Variants in C2orf92 observed in about 807,000 individuals in gnomAD.
C2orf92 encodes the protein uncharacterized protein C2orf92.
At chr2:97,672,436 C>A (rs1377434140) in intron 1 of C2orf92, 1 of 152,146 alleles carries the variant, frequency 6.6e-6, no homozygotes, top group Non-Finnish European at 1.5e-5. Context: ...GGAGGGGATG[C>A]ATGAGCAGAT....
Position 97,702,928 on chromosome 2 carries a change from C to A in C2orf92, c.*127C>A. On this transcript the variant is annotated 3_prime_UTR_variant, in exon 8 of 8. Coordinates refer to ENST00000627399, the MANE Select transcript of C2orf92 (RefSeq NM_001351368.2). Reference sequence around the variant, plus strand: ...GTATTCTACAAAAACGTCTGCTTCCCATCCCAATTTGAATGGACCAAGAAA... The same window carrying A: ...GTATTCTACAAAAACGTCTGCTTCCAATCCCAATTTGAATGGACCAAGAAA... 2.5e-6 allele frequency: 1 copy of A among 396,714 alleles called. No individual in the cohort carries two copies. The highest frequency in any genetic ancestry group is 1.4e-4 in the South Asian group (1 of 7,038). 24.6% of individuals were successfully genotyped at this position (396,714 alleles called of 1,614,324 possible). A position where few individuals can be genotyped will look rare whatever the true frequency, so the allele number is the denominator to read the frequency against.
upstream of C2orf92, chr2:97,668,043 C>T (rs980550703): frequency 2.0e-5 from 3 of 152,128 alleles, no homozygotes; most frequent in Admixed American, 2.0e-4. Context: ...TTGCAAAGGC[C>T]AGCAGCAGAA....
intron 1 of C2orf92, among the ~76,000 whole-genome samples, chr2:97,673,573 T>G (rs188402911): frequency 6.6e-6 from 1 of 152,256 alleles, no homozygotes; most frequent in East Asian, 1.9e-4. Context: ...TGTGGTCAAC[T>G]GAATCCAGAA....
chr2:97,694,606 A>G (rs1676249715), intron 5 of C2orf92: 4 of 151,942 alleles, frequency 2.6e-5, no homozygotes, highest in Admixed American at 2.6e-4. Context: ...CATTGTATGT[A>G]TCTACCATGT....
At chr2:97,696,561 C>T (rs1430919805) in intron 5 of C2orf92, among the ~76,000 whole-genome samples, 2 of 152,086 alleles carry the variant, frequency 1.3e-5, no homozygotes, top group Non-Finnish European at 2.9e-5. Flanking sequence ...CATGGTGAAA[C>T]CTCATCTCTA....
chr2:97,689,046 G>A (rs1676050728), intron 4 of C2orf92, 53 bp downstream of exon 4: 1 of 398,424 alleles, frequency 2.5e-6, no homozygotes, highest in Non-Finnish European at 4.4e-6. Context: ...AGGCCTATGT[G>A]TTGTCTTAAA....
chr2:97,676,355 AC>A (rs773414115), intron 3 of C2orf92, among the ~76,000 whole-genome samples: 1 of 140,212 alleles, frequency 7.1e-6, no homozygotes, highest in Non-Finnish European at 1.5e-5. Context: ...AATTGCTTGA[AC>A]CCGGGAGGCG....
intron 5 of C2orf92, chr2:97,697,155 T>G (rs940621020): frequency 6.6e-6 from 1 of 152,156 alleles, no homozygotes; most frequent in Admixed American, 6.5e-5. Flanking sequence ...GCTGCTCCTG[T>G]CATAGTTAGT....
chr2:97,686,930 A>C (rs1291084760), intron 3 of C2orf92, among the ~76,000 whole-genome samples: 1 of 152,076 alleles, frequency 6.6e-6, no homozygotes, highest in Non-Finnish European at 1.5e-5. Context: ...AGGTGGGAGG[A>C]TCATTTGAGC....
chr2:97,674,154 C>A (rs1025415270), intron 1 of C2orf92: 1 of 231,276 alleles, frequency 4.3e-6, no homozygotes, highest in Non-Finnish European at 8.3e-6. Context: ...GGGGGCCTCC[C>A]CAGTGCTTGT....
chr2:97,683,259 A>T (rs1049842498), intron 3 of C2orf92, among the ~76,000 whole-genome samples: 1 of 152,250 alleles, frequency 6.6e-6, no homozygotes. Flanking sequence ...ATTTACGATT[A>T]TATCAAAAAG....
intron 3 of C2orf92, among the ~76,000 whole-genome samples, chr2:97,683,493 T>C (rs1675851035): frequency 6.7e-6 from 1 of 150,278 alleles, no homozygotes. Flanking sequence ...TGAGCCCAGG[T>C]GTTTGAGATC....
At chr2:97,686,567 G>A (rs1452678606) in intron 3 of C2orf92, among the ~76,000 whole-genome samples, 1 of 152,120 alleles carries the variant, frequency 6.6e-6, no homozygotes, top group Non-Finnish European at 1.5e-5. Context: ...TTACATGCAT[G>A]AGCTACCATG....
chr2:97,675,660 G>A (rs750993065), intron 2 of C2orf92, 185 bp from the exon 3 acceptor site: 25 of 395,250 alleles, frequency 6.3e-5, no homozygotes, highest in Admixed American at 1.3e-4. Context: ...AGCCCCTGGT[G>A]TTGTGTTGGA....
intron 2 of C2orf92, among the ~76,000 whole-genome samples, chr2:97,675,326 A>G (rs1381408485): frequency 4.6e-5 from 7 of 152,234 alleles, no homozygotes; most frequent in Admixed American, 3.9e-4. Flanking sequence ...GAGAAAACAT[A>G]TGAATATTTC....
chr2:97,685,304 C>T (rs1208805519), intron 3 of C2orf92, among the ~76,000 whole-genome samples: 11 of 148,594 alleles, frequency 7.4e-5, no homozygotes, highest in African/African-American at 2.7e-4. Context: ...CTCGCTCTGT[C>T]GCCCAGGCTG....
At chr2:97,683,690 G>A (rs1675858668) in intron 3 of C2orf92, among the ~76,000 whole-genome samples, 1 of 151,726 alleles carries the variant, frequency 6.6e-6, no homozygotes, top group Admixed American at 6.6e-5. Flanking sequence ...AGCAAAAATA[G>A]TCCTGAAAAA....
chr2:97,664,363 C>T (rs906463727), exon 1 of C2orf92: 2 of 152,220 alleles, frequency 1.3e-5, no homozygotes, highest in Admixed American at 6.5e-5. Context: ...AGAAAGACGT[C>T]TTTCCCGCGT....
chr2:97,678,537 CA>C (rs1675658093), intron 3 of C2orf92, among the ~76,000 whole-genome samples: 1 of 152,058 alleles, frequency 6.6e-6, no homozygotes, highest in Non-Finnish European at 1.5e-5. Context: ...AATCCAGACA[CA>C]AAGAGAATCT....
Sources: gnomAD v4.1 joint callset for allele counts (sites outside exome capture counted in the v4.1 genomes callset) on GRCh38, gnomAD v4.1.1 for gene constraint, MANE v1.5 for transcripts, NCBI Gene and HGNC (gene_info 2026-07-23, HGNC 2026-07-21) for gene names.